GABBR2: variants seen among roughly 807,000 people sequenced by gnomAD.
GABBR2 encodes the protein G-protein coupled receptor 51.
GABBR2 carries 23 observed loss-of-function variants against 105.6 expected under a neutral mutation model. That is an observed-to-expected ratio of 0.22 (90% confidence interval 0.16 to 0.31). The LOEUF (loss-of-function observed/expected upper bound fraction) is 0.31, where lower values mean the gene tolerates loss of function less well. Among genes scored for constraint, GABBR2 ranks in the 10% least tolerant of loss-of-function variants. GABBR2 has a pLI of 1.00. For missense variants in GABBR2, 734 were observed against 1,245.5 expected (o/e 0.59, Z 6.18); for synonymous variants, 478 against 499.7 (o/e 0.96, Z 0.58).
At chr9:98,359,652 A>T (rs1366464698) in intron 13 of GABBR2, among the ~76,000 whole-genome samples, 1 of 152,070 alleles carries the variant, frequency 6.6e-6, no homozygotes, top group Non-Finnish European at 1.5e-5. Context: ...GTCGACAGTG[A>T]TCTGAAGTGA....
intron 2 of GABBR2, among the ~76,000 whole-genome samples, chr9:98,565,149 A>T (rs1332739467): frequency 6.6e-6 from 1 of 152,200 alleles, no homozygotes; most frequent in Non-Finnish European, 1.5e-5. Flanking sequence ...TACACAGGCC[A>T]CATCAGCTCT....
intron 7 of GABBR2, among the ~76,000 whole-genome samples, chr9:98,417,510 T>C (rs561153225): frequency 1.9e-4 from 29 of 152,312 alleles, no homozygotes; most frequent in African/African-American, 6.7e-4. Flanking sequence ...TTCGGGGTTC[T>C]AGTCCCAGTT....
chr9:98,556,351 G>T (rs1012731918), intron 2 of GABBR2, among the ~76,000 whole-genome samples: 7 of 152,106 alleles, frequency 4.6e-5, no homozygotes, highest in Non-Finnish European at 8.8e-5. Flanking sequence ...ACCGGGGCTC[G>T]AGAAGAAGGG....
rs1830276820 is a variant in GABBR2 at position 98,290,269 on chromosome 9, G to GTTTTTTTGTT, written c.*314_*315insAACAAAAAAA. On this transcript the variant is annotated 3_prime_UTR_variant, in exon 19 of 19. Coordinates refer to ENST00000259455, the MANE Select transcript of GABBR2 (RefSeq NM_005458.8). The stretch of plus-strand genomic sequence containing the variant: ...GCCTCTCTCCTTGTCTAGTTTTTTT[G>GTTTTTTTGTT]TTTTTTTTTTTTTTTTTTTTTTTTT... 1.3e-5 allele frequency: 1 copy of GTTTTTTTGTT among 76,856 alleles called. No individual in the cohort carries two copies. The highest frequency in any genetic ancestry group is 2.4e-5 in the Non-Finnish European group (1 of 41,824). 4.8% of individuals were successfully genotyped at this position (76,856 alleles called of 1,614,324 possible).
chr9:98,528,619 A>G (rs1346812817), intron 3 of GABBR2, among the ~76,000 whole-genome samples: 1 of 152,160 alleles, frequency 6.6e-6, no homozygotes, highest in Admixed American at 6.6e-5. Flanking sequence ...AATCAGTAAA[A>G]AAAAGAACAG....
At chr9:98,424,587 T>C (rs1395455393) in intron 7 of GABBR2, among the ~76,000 whole-genome samples, 7 of 151,366 alleles carry the variant, frequency 4.6e-5, no homozygotes, top group East Asian at 1.9e-4. Flanking sequence ...AAAACCCCAT[T>C]GTCTCAGCCC....
intron 10 of GABBR2, 57 bp from the exon 11 acceptor site, chr9:98,385,829 A>G: frequency 7.0e-7 from 1 of 1,429,230 alleles, no homozygotes; most frequent in Admixed American, 1.7e-5. Context: ...TTATTCCTTC[A>G]ACAGGTATTT....
intron 13 of GABBR2, among the ~76,000 whole-genome samples, chr9:98,328,747 C>T (rs1830970162): frequency 6.6e-6 from 1 of 152,182 alleles, no homozygotes; most frequent in Non-Finnish European, 1.5e-5. Flanking sequence ...ACCAATGAGG[C>T]TGGGGCCAGA....
At chr9:98,569,264 G>A (rs1419641388) in intron 2 of GABBR2, among the ~76,000 whole-genome samples, 1 of 152,198 alleles carries the variant, frequency 6.6e-6, no homozygotes, top group Middle Eastern at 3.2e-3. Flanking sequence ...ACATGGGCCA[G>A]GTTGTGGCGG....
At chr9:98,368,046 G>A (rs1307785747) in intron 12 of GABBR2, among the ~76,000 whole-genome samples, 1 of 151,782 alleles carries the variant, frequency 6.6e-6, no homozygotes, top group African/African-American at 2.4e-5. Flanking sequence ...GAAGTTTATC[G>A]CCGTCATTGC....
intron 7 of GABBR2, among the ~76,000 whole-genome samples, chr9:98,413,142 C>T (rs370550252): frequency 4.6e-5 from 7 of 152,162 alleles, no homozygotes; most frequent in African/African-American, 9.7e-5. Context: ...CATGGGGGAC[C>T]CTGGTAAGTT....
intron 2 of GABBR2, among the ~76,000 whole-genome samples, chr9:98,550,281 G>A (rs377098579): frequency 6.6e-6 from 1 of 152,148 alleles, no homozygotes; most frequent in Non-Finnish European, 1.5e-5. Context: ...TGGGGCGAAA[G>A]CACAAAAGCT....
Position 98,388,823 on chromosome 9 carries a change from G to T in GABBR2, c.1529+31C>A, listed in dbSNP as rs1411349679. On this transcript the variant is annotated intron_variant, in intron 10 of 18. Transcript: ENST00000259455. This position sits in a 1 kb window ranked among gnomAD's most constrained non-coding sequence, Gnocchi z 4.4. ...CCATAGGCTTGTCAATTTAGAAAGT[G>T]ATATCACAGAGGAGGACCAGGGTGG... is the stretch of plus-strand genomic sequence containing the variant. The T allele has an allele frequency of 3.2e-6, 5 of 1,581,862 alleles. No homozygotes were observed. The African/African-American group carries it at 6.7e-5, about 21-fold the overall frequency.
intron 3 of GABBR2, among the ~76,000 whole-genome samples, chr9:98,513,183 T>C (rs78741169): frequency 0.34 from 52,059 of 151,302 alleles, 9,109 homozygotes; most frequent in Middle Eastern, 0.5. Context: ...TAAATGGTGC[T>C]GGGAAAACTG....
chr9:98,707,411 G>C (rs1187015593), intron 1 of GABBR2: 2 of 152,312 alleles, frequency 1.3e-5, no homozygotes, highest in Non-Finnish European at 2.9e-5. Flanking sequence ...ACAGGGGCTC[G>C]CTCGGTCCGG....
At chr9:98,492,526 C>T (rs968516175) in intron 4 of GABBR2, among the ~76,000 whole-genome samples, 1 of 152,026 alleles carries the variant, frequency 6.6e-6, no homozygotes, top group African/African-American at 2.4e-5. Flanking sequence ...TTAGCTAACA[C>T]CCATTCTTTA....
At position 98,686,375 on chromosome 9, in the gene GABBR2, C is replaced by A. The variant is rs187181331; in HGVS notation, c.321+22042G>T. ...GTCTCTTTTCCTCTATTGCAATAGT[C>A]CCCGAATAAAATCTGTTTTTTTTGT... On this transcript the variant is annotated intron_variant, in intron 1 of 18. Coordinates refer to ENST00000259455, the MANE Select transcript of GABBR2 (RefSeq NM_005458.8). 1.7e-4 allele frequency among the ~76,000 whole-genome samples: 21 copies of A among 121,506 alleles called. No individual in the cohort carries two copies. In the East Asian group the frequency reaches 4.8e-3, roughly 28 times the overall value. 79.7% of individuals were successfully genotyped at this position (121,506 alleles called of 152,430 possible).
intron 3 of GABBR2, among the ~76,000 whole-genome samples, chr9:98,504,997 G>C (rs1342317643): frequency 6.6e-6 from 1 of 152,228 alleles, no homozygotes; most frequent in African/African-American, 2.4e-5. Flanking sequence ...ATGTAGAGGG[G>C]GGGCACCAGG....
intron 2 of GABBR2, among the ~76,000 whole-genome samples, chr9:98,566,357 T>G (rs1362257163): frequency 6.6e-6 from 1 of 152,182 alleles, no homozygotes; most frequent in Non-Finnish European, 1.5e-5. Flanking sequence ...CCTTCACTCA[T>G]GAATTACAGG....
Sources: allele counts gnomAD v4.1 joint callset (sites outside exome capture counted in the v4.1 genomes callset), GRCh38; gene constraint gnomAD v4.1.1; non-coding constraint Gnocchi (gnomAD v3.1); transcripts MANE v1.5; gene names NCBI Gene and HGNC (gene_info 2026-07-23, HGNC 2026-07-21).